RALYL: variants seen among roughly 807,000 people sequenced by gnomAD.
RALYL encodes RALY RNA binding protein like.
In RALYL, 29 loss-of-function variants were observed where a neutral mutation model predicts 35.1. The ratio of observed to expected loss-of-function variants is 0.83; its 90% CI spans 0.61 to 1.13. The LOEUF is 1.13. RALYL is among the 50% of genes most tolerant of loss of function. RALYL has a pLI of 0.00. For missense variants in RALYL, 359 were observed against 360.4 expected, an observed-to-expected ratio of 1.00 and a Z score of 0.03; for synonymous variants, 120 against 127.6, an observed-to-expected ratio of 0.94 and a Z score of 0.40.
intron 1 of RALYL, among the ~76,000 whole-genome samples, chr8:84,424,633 T>C (rs2046119254): frequency 6.6e-6 from 1 of 151,674 alleles, no homozygotes. Flanking sequence ...GCTCTGTGTT[T>C]TAGAGTTTCC....
At chr8:84,674,836 A>G (rs1478698966) in intron 2 of RALYL, among the ~76,000 whole-genome samples, 1 of 152,198 alleles carries the variant, frequency 6.6e-6, no homozygotes, top group African/African-American at 2.4e-5. Context: ...AACACTTAGA[A>G]GAAGGTACAT....
At chr8:84,319,576 T>A (rs188057478) in intron 1 of RALYL, among the ~76,000 whole-genome samples, 1 of 152,120 alleles carries the variant, frequency 6.6e-6, no homozygotes, top group African/African-American at 2.4e-5. Context: ...TACCAGATGA[T>A]ACGCTCAAAG....
intron 1 of RALYL, chr8:84,184,983 G>T (rs1336627172): frequency 6.2e-7 from 1 of 1,613,746 alleles, no homozygotes; most frequent in East Asian, 2.2e-5. Flanking sequence ...CTCAACTCCT[G>T]CTCCTCCTCT....
chr8:84,638,609 A>G (rs938011813), intron 2 of RALYL, among the ~76,000 whole-genome samples: 1 of 151,734 alleles, frequency 6.6e-6, no homozygotes, highest in African/African-American at 2.4e-5. Context: ...TCAATTAGAA[A>G]CAAAGTAGGA....
chr8:84,920,094 T>G (rs1224984425), intron 8 of RALYL, among the ~76,000 whole-genome samples: 1 of 152,106 alleles, frequency 6.6e-6, no homozygotes, highest in African/African-American at 2.4e-5. Flanking sequence ...GGTCAACATG[T>G]CCCATCCCAT....
Position 84,732,683 on chromosome 8 carries a change from T to TATATATACACACACACAC in RALYL, c.257-41895_257-41894insTATATACACACACACACA. 1.2e-3 allele frequency among the ~76,000 whole-genome samples: 161 copies of TATATATACACACACACAC among 133,246 alleles called. 2 individuals are homozygous for TATATATACACACACACAC. Among genetic ancestry groups the TATATATACACACACACAC allele is most frequent in the African/African-American group, 4.6e-3 (152 of 32,930 alleles). The allele number at this position is 133,246 out of a possible 152,430, so 87.4% of individuals were successfully genotyped here. A position where few individuals can be genotyped will look rare whatever the true frequency, so the allele number is the denominator to read the frequency against. ...TATTAAATAATTATATATATATATA[T>TATATATACACACACACAC]ACACACACACACACATATATATAAT... is the stretch of plus-strand genomic sequence containing the variant. On this transcript the variant is annotated intron_variant, in intron 2 of 8. Transcript: ENST00000521268.
rs188706823 is a variant in RALYL at position 84,404,542 on chromosome 8, G to A, written c.-23-124757G>A. Among the ~76,000 whole-genome samples, 625 of 152,236 alleles carry A rather than the reference G, an allele frequency of 4.1e-3. 6 individuals are homozygous for A. Among genetic ancestry groups the A allele is most frequent in the African/African-American group, 0.014 (589 of 41,552 alleles). ...AAGCCTACTTGATTGTGGTGGATAA[G>A]CTTTTTGATGTGCTGCTGGATTTGG... On this transcript the variant is annotated intron_variant, in intron 1 of 8. Coordinates refer to ENST00000521268, the MANE Select transcript of RALYL (RefSeq NM_173848.7).
intron 1 of RALYL, among the ~76,000 whole-genome samples, chr8:84,435,163 T>C (rs1261855650): frequency 6.6e-6 from 1 of 152,168 alleles, no homozygotes; most frequent in Non-Finnish European, 1.5e-5. Context: ...TTCTTTGATG[T>C]GGAGGATTCT....
chr8:84,617,946 C>G (rs563288437), intron 2 of RALYL, among the ~76,000 whole-genome samples: 1 of 151,972 alleles, frequency 6.6e-6, no homozygotes, highest in African/African-American at 2.4e-5. Context: ...ATGAAGCCCA[C>G]TTGATCATGG....
intron 2 of RALYL, among the ~76,000 whole-genome samples, chr8:84,654,245 C>T (rs1340417345): frequency 1.7e-5 from 2 of 114,762 alleles, no homozygotes; most frequent in African/African-American, 6.1e-5. Flanking sequence ...CCACCACCAC[C>T]AACGTATATG....
intron 1 of RALYL, among the ~76,000 whole-genome samples, chr8:84,501,255 C>T (rs1449085241): frequency 2.0e-5 from 3 of 152,084 alleles, no homozygotes; most frequent in Non-Finnish European, 4.4e-5. Context: ...TTCTTTTGCT[C>T]TCCGAAGTTA....
intron 1 of RALYL, among the ~76,000 whole-genome samples, chr8:84,420,484 C>T (rs897402207): frequency 1.3e-5 from 2 of 150,424 alleles, no homozygotes; most frequent in African/African-American, 2.5e-5. Context: ...AATTTTCTCC[C>T]ATGTTGTAGG....
intron 2 of RALYL, among the ~76,000 whole-genome samples, chr8:84,621,498 G>T (rs1193704431): frequency 6.6e-6 from 1 of 152,094 alleles, no homozygotes; most frequent in Non-Finnish European, 1.5e-5. Context: ...CCACTGTCTG[G>T]CACTCCCTAG....
chr8:84,860,960 A>C (rs1407190976), intron 5 of RALYL, among the ~76,000 whole-genome samples: 13 of 152,120 alleles, frequency 8.5e-5, no homozygotes, highest in Non-Finnish European at 1.9e-4. Context: ...GTCTATCTTA[A>C]CTTTTATTAT....
intron 2 of RALYL, chr8:84,705,940 C>G: frequency 3.3e-6 from 5 of 1,520,836 alleles, no homozygotes; most frequent in Non-Finnish European, 3.5e-6. Flanking sequence ...GAGCAACAGT[C>G]TTACTGCAAA....
At chr8:84,204,989 A>G (rs893565733) in intron 1 of RALYL, among the ~76,000 whole-genome samples, 8 of 152,190 alleles carry the variant, frequency 5.3e-5, no homozygotes, top group Non-Finnish European at 8.8e-5. Flanking sequence ...CCAGGATGAC[A>G]GGGCTAGTAA....
intron 1 of RALYL, among the ~76,000 whole-genome samples, chr8:84,246,851 C>CA (rs967282936): frequency 2.0e-5 from 3 of 149,850 alleles, no homozygotes; most frequent in African/African-American, 4.9e-5. Flanking sequence ...AATCTCCAAG[C>CA]AAAAAAAAAG....
chr8:84,552,086 G>A (rs2060760609), intron 2 of RALYL, among the ~76,000 whole-genome samples: 1 of 149,494 alleles, frequency 6.7e-6, no homozygotes, highest in South Asian at 2.1e-4. Flanking sequence ...AAAGTGGATC[G>A]AGTAACTCTG....
intron 2 of RALYL, among the ~76,000 whole-genome samples, chr8:84,772,514 A>C (rs988437384): frequency 6.6e-6 from 1 of 152,032 alleles, no homozygotes; most frequent in Non-Finnish European, 1.5e-5. Flanking sequence ...AAAATTTTTC[A>C]ATACAGTTTT....
Sources: allele counts gnomAD v4.1 joint callset (sites outside exome capture counted in the v4.1 genomes callset), GRCh38; gene constraint gnomAD v4.1.1; transcripts MANE v1.5; gene names NCBI Gene and HGNC (gene_info 2026-07-23, HGNC 2026-07-21).